BBS9: variants seen among roughly 807,000 people sequenced by gnomAD.
The protein encoded by BBS9 is protein PTHB1.
Under a neutral mutation model 117.7 loss-of-function variants are expected in BBS9, and 89 were observed. The observed-to-expected ratio is 0.76, with a 90% CI of 0.64 to 0.90. BBS9 has a LOEUF of 0.90. Among genes scored for constraint, BBS9 ranks in the 40% least tolerant of loss-of-function variants. BBS9 has a pLI of 0.00. For missense variants in BBS9, 982 were observed against 1,042.2 expected (o/e 0.94, Z 0.80); for synonymous variants, 379 against 370.9 (o/e 1.02, Z -0.25).
At chr7:33,219,623 C>G (rs572432873) in intron 5 of BBS9, among the ~76,000 whole-genome samples, 34 of 152,236 alleles carry the variant, frequency 2.2e-4, no homozygotes, top group Admixed American at 1.2e-3. Flanking sequence ...CTTGGAGAAC[C>G]TTTGTGTGGA....
chr7:33,462,140 A>G (rs955871804), intron 19 of BBS9, among the ~76,000 whole-genome samples: 5 of 152,090 alleles, frequency 3.3e-5, no homozygotes, highest in Non-Finnish European at 5.9e-5. Flanking sequence ...CTCTAGTTTG[A>G]TTACACAAGA....
At chr7:33,410,188 ATG>A (rs1321049312) in intron 19 of BBS9, among the ~76,000 whole-genome samples, 5 of 152,194 alleles carry the variant, frequency 3.3e-5, no homozygotes, top group African/African-American at 1.2e-4. Flanking sequence ...TCAGAGAAAA[ATG>A]TGTGTTAAAG....
intron 4 of BBS9, among the ~76,000 whole-genome samples, chr7:33,174,277 C>CG (rs1397337127): frequency 3.9e-5 from 6 of 152,210 alleles, no homozygotes; most frequent in African/African-American, 1.4e-4. Flanking sequence ...GTGGGTACCT[C>CG]GCTTGGTCGC....
chr7:33,446,587 T>C (rs1837030537), intron 19 of BBS9, among the ~76,000 whole-genome samples: 1 of 152,200 alleles, frequency 6.6e-6, no homozygotes, highest in Admixed American at 6.5e-5. Flanking sequence ...TATTTAAAGT[T>C]GGAAGCTTGG....
At chr7:33,369,232 A>G (rs1332391492) in intron 17 of BBS9, among the ~76,000 whole-genome samples, 1 of 152,180 alleles carries the variant, frequency 6.6e-6, no homozygotes, top group Non-Finnish European at 1.5e-5. Flanking sequence ...AGTTATGCCA[A>G]CATTTCTTTG....
intron 10 of BBS9, among the ~76,000 whole-genome samples, chr7:33,339,729 G>A (rs1251282254): frequency 6.6e-6 from 1 of 152,070 alleles, no homozygotes; most frequent in Non-Finnish European, 1.5e-5. Context: ...CCAGAAACAT[G>A]TGCCAGCTCT....
chr7:33,293,059 C>T (rs975520101), intron 9 of BBS9, among the ~76,000 whole-genome samples: 6 of 151,520 alleles, frequency 4.0e-5, no homozygotes, highest in African/African-American at 1.5e-4. Flanking sequence ...TTAGCGTTGA[C>T]CTCATTTTAT....
intron 19 of BBS9, among the ~76,000 whole-genome samples, chr7:33,427,986 G>A (rs1296171116): frequency 2.0e-5 from 3 of 152,160 alleles, no homozygotes; most frequent in African/African-American, 7.2e-5. Context: ...ATACACGTAT[G>A]TATGTATGAC....
At chr7:33,398,615 A>T (rs2128783351) in intron 19 of BBS9, among the ~76,000 whole-genome samples, 1 of 152,320 alleles carries the variant, frequency 6.6e-6, no homozygotes. Flanking sequence ...GTCTAGCCAA[A>T]CTGTCTGACA....
At chr7:33,292,822 A>G (rs915725799) in intron 9 of BBS9, among the ~76,000 whole-genome samples, 1 of 151,790 alleles carries the variant, frequency 6.6e-6, no homozygotes, top group African/African-American at 2.4e-5. Context: ...CCTGACCAAG[A>G]TGGTGAAACC....
intron 5 of BBS9, among the ~76,000 whole-genome samples, chr7:33,217,080 G>A (rs1231876680): frequency 6.6e-6 from 1 of 152,168 alleles, no homozygotes; most frequent in Non-Finnish European, 1.5e-5. Flanking sequence ...GGGTGACAGA[G>A]CGAGACTCCG....
chr7:33,268,717 T>G (rs1031941318), intron 7 of BBS9, among the ~76,000 whole-genome samples: 2 of 152,174 alleles, frequency 1.3e-5, no homozygotes, highest in African/African-American at 2.4e-5. Context: ...TGTATTTCCC[T>G]AAGTGGAGGT....
intron 6 of BBS9, among the ~76,000 whole-genome samples, chr7:33,262,668 A>C (rs923206605): frequency 6.6e-6 from 1 of 152,096 alleles, no homozygotes; most frequent in Non-Finnish European, 1.5e-5. Flanking sequence ...CTCTTACTTC[A>C]TGCGCCCCAT....
chr7:33,571,882 TTA>T (rs1265242975), intron 21 of BBS9, among the ~76,000 whole-genome samples: 4 of 152,060 alleles, frequency 2.6e-5, no homozygotes. Context: ...AATGATCAAA[TTA>T]GGGTAATTGG....
At chr7:33,614,859 G>A (rs1865053895) in intron 21 of BBS9, among the ~76,000 whole-genome samples, 1 of 152,036 alleles carries the variant, frequency 6.6e-6, no homozygotes, top group South Asian at 2.1e-4. Context: ...AAATATGCCA[G>A]AGCATCCTAT....
At chr7:33,269,554 A>G (rs568066739) in intron 7 of BBS9, among the ~76,000 whole-genome samples, 3 of 152,250 alleles carry the variant, frequency 2.0e-5, no homozygotes, top group Non-Finnish European at 4.4e-5. Flanking sequence ...AGATCTCCCC[A>G]GAGAGGCAGA....
chr7:33,567,783 A>G (rs930109892), intron 21 of BBS9, among the ~76,000 whole-genome samples: 2 of 152,186 alleles, frequency 1.3e-5, no homozygotes, highest in Non-Finnish European at 2.9e-5. Context: ...TGAAGTCATT[A>G]TCTTCCATAC....
At chr7:33,258,843 A>G (rs1372947092) in intron 6 of BBS9, among the ~76,000 whole-genome samples, 3 of 152,186 alleles carry the variant, frequency 2.0e-5, no homozygotes, top group Non-Finnish European at 4.4e-5. Context: ...TAATGTGTAG[A>G]TTTCCTTAAT....
chr7:33,612,778 A>G (rs1864944386), intron 21 of BBS9, among the ~76,000 whole-genome samples: 1 of 151,998 alleles, frequency 6.6e-6, no homozygotes, highest in African/African-American at 2.4e-5. Context: ...GTCAGGGTTC[A>G]TTCTATTTTT....
Sources: allele counts gnomAD v4.1 joint callset (sites outside exome capture counted in the v4.1 genomes callset), GRCh38; gene constraint gnomAD v4.1.1; transcripts MANE v1.5; gene names NCBI Gene and HGNC (gene_info 2026-07-23, HGNC 2026-07-21).